LIMA1: variants seen among roughly 807,000 people sequenced by gnomAD.
The protein encoded by LIMA1 is LIM domain and actin-binding protein 1.
In LIMA1, 52 loss-of-function variants were observed where a neutral mutation model predicts 62.6. The observed-to-expected ratio is 0.83, with a 90% CI of 0.67 to 1.05. The LOEUF (loss-of-function observed/expected upper bound fraction) is 1.05, where lower values mean the gene tolerates loss of function less well. LIMA1 is among the 50% of genes least tolerant of loss of function. The pLI is 0.00. For synonymous variants in LIMA1, 302 were observed against 317.8 expected (o/e 0.95, Z 0.53); for missense variants, 780 against 902.2 (o/e 0.86, Z 1.74).
intron 2 of LIMA1, among the ~76,000 whole-genome samples, chr12:50,233,317 T>C (rs551931577): frequency 6.7e-6 from 1 of 149,928 alleles, no homozygotes; most frequent in East Asian, 1.9e-4. Context: ...TGTAATCATG[T>C]GTAAAAACAT....
At chr12:50,223,474 C>T (rs1183939429) in intron 3 of LIMA1, among the ~76,000 whole-genome samples, 2 of 144,320 alleles carry the variant, frequency 1.4e-5, no homozygotes, top group South Asian at 2.3e-4. Flanking sequence ...CAAAGTGAGA[C>T]GCCATCCCCC....
At chr12:50,232,007 A>T (rs1407117890) in intron 2 of LIMA1, among the ~76,000 whole-genome samples, 1 of 141,114 alleles carries the variant, frequency 7.1e-6, no homozygotes, top group Non-Finnish European at 1.5e-5. Context: ...ACCTCAAGTG[A>T]TCCACCTGCC....
At chr12:50,210,053 TG>T (rs1941225958) in intron 4 of LIMA1, among the ~76,000 whole-genome samples, 1 of 152,212 alleles carries the variant, frequency 6.6e-6, no homozygotes, top group Non-Finnish European at 1.5e-5. Flanking sequence ...GCTGCTGCAC[TG>T]GAAGATAACC....
intron 4 of LIMA1, chr12:50,219,750 G>A (rs993503935): frequency 1.6e-4 from 23 of 144,878 alleles, no homozygotes; most frequent in African/African-American, 5.9e-4. Flanking sequence ...GTGCAGTGGC[G>A]ATCATGGCTC....
At chr12:50,229,394 G>A (rs534540075) in intron 3 of LIMA1, among the ~76,000 whole-genome samples, 3 of 152,190 alleles carry the variant, frequency 2.0e-5, no homozygotes, top group Admixed American at 2.0e-4. Context: ...CCTTTGCAGG[G>A]ACATGGATGA....
intron 8 of LIMA1, among the ~76,000 whole-genome samples, chr12:50,193,393 G>C (rs1940823238): frequency 6.7e-6 from 1 of 150,100 alleles, no homozygotes; most frequent in Non-Finnish European, 1.5e-5. Flanking sequence ...GGTTTTCAGT[G>C]TCCAGTAAAC....
At position 50,249,033 on chromosome 12, in the gene LIMA1, T is replaced by C. The variant is rs528502212; in HGVS notation, c.-23-259A>G. On this transcript the variant is annotated intron_variant, in intron 1 of 10. Coordinates refer to ENST00000341247, the MANE Select transcript of LIMA1 (RefSeq NM_016357.5). ...CCCACTGTGCAAACATCAATTGGCC[T>C]TTCCCTGAACTGAAGTCTGTTCCAA... Among the ~76,000 whole-genome samples the C allele has an allele frequency of 3.3e-5, 5 of 152,352 alleles. No homozygotes were observed. The East Asian group carries it at 9.6e-4, about 29-fold the overall frequency.
At chr12:50,268,299 G>T (rs1270436966) in intron 1 of LIMA1, among the ~76,000 whole-genome samples, 1 of 152,142 alleles carries the variant, frequency 6.6e-6, no homozygotes, top group Admixed American at 6.5e-5. Flanking sequence ...GAGGATCACT[G>T]CTGCTACCCT....
chr12:50,205,722 T>C (rs1941138351), intron 5 of LIMA1, among the ~76,000 whole-genome samples: 1 of 137,102 alleles, frequency 7.3e-6, no homozygotes, highest in African/African-American at 2.8e-5. Flanking sequence ...ATTAAAAATA[T>C]GAAAAAAGCA....
intron 4 of LIMA1, among the ~76,000 whole-genome samples, chr12:50,211,197 C>T (rs1000182514): frequency 3.8e-4 from 57 of 151,922 alleles, no homozygotes; most frequent in African/African-American, 1.4e-3. Flanking sequence ...GTGGTGGACA[C>T]CTGTAATCCC....
intron 10 of LIMA1, among the ~76,000 whole-genome samples, chr12:50,178,428 TCTCAGCTA>T: frequency 6.6e-6 from 1 of 151,778 alleles, no homozygotes; most frequent in East Asian, 1.9e-4. Context: ...ATGCCTGTAG[TCTCAGCTA>T]CTTGGGAAGC....
chr12:50,215,619 G>A (rs1166910284), intron 4 of LIMA1, among the ~76,000 whole-genome samples: 2 of 151,836 alleles, frequency 1.3e-5, no homozygotes, highest in African/African-American at 2.4e-5. Flanking sequence ...ACAGGCGCCC[G>A]CCACCACGCC....
intron 3 of LIMA1, among the ~76,000 whole-genome samples, chr12:50,225,358 T>C (rs1436890081): frequency 6.6e-6 from 1 of 152,194 alleles, no homozygotes; most frequent in Admixed American, 6.6e-5. Context: ...CCATTTTCCC[T>C]ACTTGACTCC....
intron 1 of LIMA1, among the ~76,000 whole-genome samples, chr12:50,273,127 G>C (rs2138702525): frequency 6.6e-6 from 1 of 150,490 alleles, no homozygotes; most frequent in South Asian, 2.1e-4. Context: ...GCTAATTTTT[G>C]TAATTTTAGT....
chr12:50,185,313 C>A (rs1485623243), intron 9 of LIMA1: 1 of 453,914 alleles, frequency 2.2e-6, no homozygotes, highest in South Asian at 1.6e-5. Flanking sequence ...AGGGGAGGCA[C>A]ACACTGTGGG....
At chr12:50,220,569 T>C (rs1031852970) in intron 4 of LIMA1, 20 of 152,208 alleles carry the variant, frequency 1.3e-4, no homozygotes, top group African/African-American at 4.8e-4. Flanking sequence ...TGAATCTACA[T>C]TGTGTGTACT....
intron 1 of LIMA1, among the ~76,000 whole-genome samples, chr12:50,258,639 CTTTTTTTT>C (rs34324226): frequency 1.9e-4 from 13 of 67,404 alleles, no homozygotes; most frequent in Admixed American, 9.6e-4. Context: ...TCTACCTATA[CTTTTTTTT>C]TTTTTTTTTT....
intron 1 of LIMA1, chr12:50,249,706 A>G (rs1384722342): frequency 6.6e-6 from 1 of 152,262 alleles, no homozygotes; most frequent in Admixed American, 6.5e-5. Context: ...ACGAGAGATT[A>G]GAAATGAGTC....
chr12:50,232,902 G>A (rs924599324), intron 2 of LIMA1, among the ~76,000 whole-genome samples: 3 of 152,172 alleles, frequency 2.0e-5, no homozygotes, highest in African/African-American at 7.2e-5. Flanking sequence ...GACGAGAATC[G>A]CCTCAACCCA....
Sources: allele counts gnomAD v4.1 joint callset (sites outside exome capture counted in the v4.1 genomes callset), GRCh38; gene constraint gnomAD v4.1.1; transcripts MANE v1.5; gene names NCBI Gene and HGNC (gene_info 2026-07-23, HGNC 2026-07-21).